The following MTHFD2L variants were observed in gnomAD, a reference collection of about 807,000 sequenced individuals.
MTHFD2L encodes methylenetetrahydrofolate dehydrogenase (NADP+ dependent) 2 like.
A neutral mutation model predicts 34.9 loss-of-function variants in MTHFD2L; 29 were observed. That is an observed-to-expected ratio of 0.83 (90% CI 0.62 to 1.13). The LOEUF (loss-of-function observed/expected upper bound fraction) is 1.13. Ranked by LOEUF, MTHFD2L falls within the 50% of genes most tolerant of loss-of-function variation. The probability of loss-of-function intolerance (pLI) is 0.00; values close to 1 mark genes in which losing one functional copy is unlikely to be tolerated. For missense variants in MTHFD2L, 481 were observed against 446.5 expected (o/e 1.08, Z -0.70); for synonymous variants, 167 against 155.7 (o/e 1.07, Z -0.54).
chr4:74,115,614 T>C (rs1182543996), intron 2 of MTHFD2L, among the ~76,000 whole-genome samples: 1 of 152,270 alleles, frequency 6.6e-6, no homozygotes, highest in East Asian at 1.9e-4. Context: ...GCCCACTAGC[T>C]GTTAATGAAG....
At chr4:74,130,487 C>T (rs926890746) in intron 1 of MTHFD2L, among the ~76,000 whole-genome samples, 3 of 152,060 alleles carry the variant, frequency 2.0e-5, no homozygotes, top group South Asian at 4.1e-4. Context: ...TGACAAAAAC[C>T]ACACGATTAT....
chr4:74,190,928 T>C (rs1165463622), intron 3 of MTHFD2L, among the ~76,000 whole-genome samples: 5 of 152,178 alleles, frequency 3.3e-5, no homozygotes, highest in African/African-American at 1.2e-4. Context: ...TGAGACAGAG[T>C]CTCGCTGTAT....
intron 1 of MTHFD2L, among the ~76,000 whole-genome samples, chr4:74,170,666 T>C (rs902526419): frequency 5.5e-4 from 83 of 152,076 alleles, no homozygotes; most frequent in Non-Finnish European, 2.5e-4. Context: ...GAGACAATAT[T>C]TCAAACCCCA....
intron 1 of MTHFD2L, among the ~76,000 whole-genome samples, chr4:74,150,844 A>G (rs76128001): frequency 9.2e-5 from 14 of 152,184 alleles, no homozygotes; most frequent in African/African-American, 3.4e-4. Context: ...GGATAGGAGT[A>G]GCAATGTCTA....
At chr4:74,184,118 A>T (rs1288887127) in intron 3 of MTHFD2L, among the ~76,000 whole-genome samples, 1 of 152,234 alleles carries the variant, frequency 6.6e-6, no homozygotes, top group Non-Finnish European at 1.5e-5. Context: ...AAGTAGAATG[A>T]TCACAGATAT....
rs999161626 is a variant in MTHFD2L, at chr4:74,160,072, G to A, written c.143+1791G>A. Reference sequence around the variant, plus strand: ...TCTTCTAGGACCAGCAGAGAGAAGAGATTCCATCTTCCAGAGGTTGCCACT... The same window carrying A: ...TCTTCTAGGACCAGCAGAGAGAAGAAATTCCATCTTCCAGAGGTTGCCACT... On this transcript the variant is annotated intron_variant, in intron 1 of 7. Transcript: ENST00000325278. 4 of 1,289,250 alleles carry A rather than the reference G, an allele frequency of 3.1e-6. No homozygotes were observed. The African/African-American group carries it at 6.1e-5, about 20-fold the overall frequency. The allele number at this position is 1,289,250 out of a possible 1,614,324, so 79.9% of individuals were successfully genotyped here.
At chr4:74,269,844 A>G (rs1482061150) in intron 6 of MTHFD2L, among the ~76,000 whole-genome samples, 1 of 152,152 alleles carries the variant, frequency 6.6e-6, no homozygotes, top group Admixed American at 6.6e-5. Context: ...CTAAGGCATA[A>G]TAGCAGAGGT....
chr4:74,249,563 T>G (rs1162570376), intron 6 of MTHFD2L, among the ~76,000 whole-genome samples: 1 of 152,166 alleles, frequency 6.6e-6, no homozygotes, highest in African/African-American at 2.4e-5. Context: ...TTGATGCAGT[T>G]TCTTCCTAAT....
At chr4:74,196,327 T>A (rs1347011452) in intron 3 of MTHFD2L, among the ~76,000 whole-genome samples, 3 of 152,006 alleles carry the variant, frequency 2.0e-5, no homozygotes, top group Non-Finnish European at 2.9e-5. Context: ...TCATGAGCAA[T>A]AGCAATGCAG....
intron 1 of MTHFD2L, among the ~76,000 whole-genome samples, chr4:74,127,446 T>C (rs749356053): frequency 6.6e-5 from 10 of 152,178 alleles, no homozygotes; most frequent in Non-Finnish European, 1.3e-4. Flanking sequence ...ATCTACTCTC[T>C]ATCTTCATGA....
At chr4:74,268,150 A>G (rs1745540857) in intron 6 of MTHFD2L, 1 of 984,114 alleles carries the variant, frequency 1.0e-6, no homozygotes, top group Non-Finnish European at 1.2e-6. Flanking sequence ...TCTAGAAATA[A>G]CAGGAGGATA....
upstream of MTHFD2L, among the ~76,000 whole-genome samples, chr4:74,123,823 T>C (rs1253868468): frequency 1.3e-5 from 2 of 152,144 alleles, no homozygotes; most frequent in South Asian, 2.1e-4. Flanking sequence ...TTTCATGGGC[T>C]TCTAAAATTA....
At chr4:74,250,797 G>A (rs888533211) in intron 6 of MTHFD2L, among the ~76,000 whole-genome samples, 1 of 152,160 alleles carries the variant, frequency 6.6e-6, no homozygotes, top group Non-Finnish European at 1.5e-5. Context: ...ACATCTGTAT[G>A]TGTGTGTTAA....
intron 5 of MTHFD2L, among the ~76,000 whole-genome samples, chr4:74,224,826 T>TA (rs566864959): frequency 6.6e-6 from 1 of 152,236 alleles, no homozygotes; most frequent in Non-Finnish European, 1.5e-5. Context: ...CATTAAGACC[T>TA]AAAAAAATGT....
chr4:74,258,383 G>A (rs1194140820), intron 6 of MTHFD2L, among the ~76,000 whole-genome samples: 1 of 150,628 alleles, frequency 6.6e-6, no homozygotes, highest in African/African-American at 2.5e-5. Context: ...TAGAAGATAG[G>A]CACATAACAC....
At chr4:74,183,193 G>T (rs1451691957) in intron 3 of MTHFD2L, 1 of 151,996 alleles carries the variant, frequency 6.6e-6, no homozygotes, top group African/African-American at 2.4e-5. Flanking sequence ...ATGCAAGCAA[G>T]AAGACAATAG....
chr4:74,146,785 C>A (rs1189889056), intron 1 of MTHFD2L, among the ~76,000 whole-genome samples: 1 of 152,110 alleles, frequency 6.6e-6, no homozygotes, highest in Non-Finnish European at 1.5e-5. Flanking sequence ...CAGATTCGGT[C>A]TTTTGAGGTA....
intron 6 of MTHFD2L, among the ~76,000 whole-genome samples, chr4:74,274,324 A>G (rs1486008769): frequency 6.6e-6 from 1 of 152,214 alleles, no homozygotes; most frequent in African/African-American, 2.4e-5. Context: ...CAATCAAAGG[A>G]TTCCTTAAAA....
chr4:74,273,424 A>T (rs909120804), intron 6 of MTHFD2L, among the ~76,000 whole-genome samples: 2 of 152,070 alleles, frequency 1.3e-5, no homozygotes, highest in Non-Finnish European at 2.9e-5. Context: ...TTTCACTTTT[A>T]TTTTTTTGCC....
Sources: gnomAD v4.1 joint callset for allele counts (sites outside exome capture counted in the v4.1 genomes callset) on GRCh38, gnomAD v4.1.1 for gene constraint, MANE v1.5 for transcripts, NCBI Gene and HGNC (gene_info 2026-07-23, HGNC 2026-07-21) for gene names.